The following PRKCQ variants were observed in gnomAD, a reference collection of about 807,000 sequenced individuals.
The protein encoded by PRKCQ is protein kinase C theta type.
Under a neutral mutation model 91.2 loss-of-function variants are expected in PRKCQ, and 41 were observed. That is an observed-to-expected ratio of 0.45 (90% CI 0.35 to 0.58). The LOEUF (loss-of-function observed/expected upper bound fraction) is 0.58, where lower values mean the gene tolerates loss of function less well. PRKCQ is among the 20% of genes least tolerant of loss of function. PRKCQ has a pLI of 0.00. For synonymous variants in PRKCQ, 307 were observed against 316.9 expected, an observed-to-expected ratio of 0.97 and a Z score of 0.33; for missense variants, 673 against 896.5, an observed-to-expected ratio of 0.75 and a Z score of 3.18.
intron 12 of PRKCQ, among the ~76,000 whole-genome samples, chr10:6,464,898 C>T (rs1469575048): frequency 1.3e-5 from 2 of 152,098 alleles, no homozygotes; most frequent in African/African-American, 4.8e-5. Context: ...TTTTGAGCCC[C>T]AGGAAGCCTG....
intron 1 of PRKCQ, among the ~76,000 whole-genome samples, chr10:6,529,283 T>C (rs1442170145): frequency 6.6e-6 from 1 of 152,204 alleles, no homozygotes; most frequent in Non-Finnish European, 1.5e-5. Flanking sequence ...GATGCTGCCT[T>C]CTGTAGGAGT....
At chr10:6,534,221 T>G (rs1047590857) in intron 1 of PRKCQ, among the ~76,000 whole-genome samples, 1 of 152,170 alleles carries the variant, frequency 6.6e-6, no homozygotes, top group Non-Finnish European at 1.5e-5. Flanking sequence ...AAATAAAAGA[T>G]AGGTAAATCA....
intron 4 of PRKCQ, among the ~76,000 whole-genome samples, chr10:6,504,031 G>A (rs530156900): frequency 6.6e-6 from 1 of 152,230 alleles, no homozygotes; most frequent in East Asian, 1.9e-4. Context: ...TCCTGCCTTG[G>A]CCCCCAAAGT....
chr10:6,441,807 T>C (rs951528027), intron 16 of PRKCQ, 86 bp downstream of exon 16: 5 of 1,360,082 alleles, frequency 3.7e-6, no homozygotes, highest in Non-Finnish European at 5.0e-6. Flanking sequence ...GTTTGCCACA[T>C]GCAAGTTGGA....
intron 1 of PRKCQ, among the ~76,000 whole-genome samples, chr10:6,527,430 G>C (rs936280377): frequency 6.6e-6 from 1 of 152,164 alleles, no homozygotes; most frequent in African/African-American, 2.4e-5. Flanking sequence ...GCTAATCATG[G>C]TCATTATGAG....
intron 15 of PRKCQ, among the ~76,000 whole-genome samples, chr10:6,446,104 G>C (rs1046578153): frequency 6.6e-6 from 1 of 152,162 alleles, no homozygotes; most frequent in Non-Finnish European, 1.5e-5. Flanking sequence ...ACTGATATGT[G>C]TTAGGAGTTT....
intron 1 of PRKCQ, among the ~76,000 whole-genome samples, chr10:6,548,375 A>G (rs1356481315): frequency 2.6e-5 from 4 of 151,780 alleles, no homozygotes; most frequent in Non-Finnish European, 5.9e-5. Flanking sequence ...CAGCCATCCC[A>G]TTACTGGGTA....
At chr10:6,564,154 G>A (rs1840743680) in intron 1 of PRKCQ, among the ~76,000 whole-genome samples, 1 of 152,130 alleles carries the variant, frequency 6.6e-6, no homozygotes. Context: ...AAAGATTCGG[G>A]ATTCTATTTT....
intron 10 of PRKCQ, among the ~76,000 whole-genome samples, chr10:6,484,452 T>C (rs1298883351): frequency 1.3e-5 from 2 of 152,182 alleles, no homozygotes; most frequent in African/African-American, 4.8e-5. Context: ...ATGTTGATCA[T>C]TGCTAAGACA....
rs1006203815 is a variant in PRKCQ at position 6,465,054 on chromosome 10, C to T, written c.1354-650G>A. Among the ~76,000 whole-genome samples, 32 of 151,766 alleles carry T rather than the reference C, an allele frequency of 2.1e-4. No individual in the cohort carries two copies. Among genetic ancestry groups the T allele is most frequent in the Admixed American group, 1.3e-4 (2 of 15,240 alleles). ...GGCACTTAGGGCACTTAGCATGTGCCGATTGTATACTTATTGAAAGTGACA... is the reference window on the plus strand; with the variant it reads ...GGCACTTAGGGCACTTAGCATGTGCTGATTGTATACTTATTGAAAGTGACA... On this transcript the variant is annotated intron_variant, in intron 12 of 17. Transcript: ENST00000263125. This position sits in a 1 kb window ranked among gnomAD's most constrained non-coding sequence, Gnocchi z 4.4.
chr10:6,509,038 T>C (rs1221549403), intron 3 of PRKCQ, among the ~76,000 whole-genome samples: 4 of 151,940 alleles, frequency 2.6e-5, no homozygotes, highest in Non-Finnish European at 4.4e-5. Flanking sequence ...TGTTGGCTCT[T>C]AAAATAAAAG....
chr10:6,553,062 G>A (rs1258992897), intron 1 of PRKCQ, among the ~76,000 whole-genome samples: 1 of 152,092 alleles, frequency 6.6e-6, no homozygotes, highest in Admixed American at 6.5e-5. Context: ...CAGTTTCTGC[G>A]TTTAGCCTGT....
intron 1 of PRKCQ, among the ~76,000 whole-genome samples, chr10:6,567,452 A>G (rs1299639915): frequency 6.6e-6 from 1 of 152,248 alleles, no homozygotes; most frequent in Non-Finnish European, 1.5e-5. Context: ...AGTCTTGCAC[A>G]GTAAGACGCG....
intron 16 of PRKCQ, among the ~76,000 whole-genome samples, chr10:6,440,722 C>T (rs1833926424): frequency 6.6e-6 from 1 of 152,306 alleles, no homozygotes; most frequent in Non-Finnish European, 1.5e-5. Flanking sequence ...GGCATGGTGG[C>T]TCACATCTGT....
At chr10:6,533,007 T>A (rs544691852) in intron 1 of PRKCQ, among the ~76,000 whole-genome samples, 21 of 152,318 alleles carry the variant, frequency 1.4e-4, no homozygotes, top group Non-Finnish European at 2.9e-4. Flanking sequence ...TTTGTTTTTT[T>A]AAAAAATAGG....
intron 1 of PRKCQ, among the ~76,000 whole-genome samples, chr10:6,568,790 G>A (rs536289088): frequency 5.9e-4 from 90 of 152,142 alleles, no homozygotes; most frequent in Admixed American, 1.2e-3. Flanking sequence ...GAGCCACCGC[G>A]CCCGGCCAGT....
At chr10:6,549,983 T>A (rs909166777) in intron 1 of PRKCQ, among the ~76,000 whole-genome samples, 2 of 152,156 alleles carry the variant, frequency 1.3e-5, no homozygotes, top group Non-Finnish European at 2.9e-5. Context: ...GTGTTCTGTA[T>A]ATTCACATTG....
At chr10:6,461,100 TATCC>T (rs140150098) in intron 14 of PRKCQ, among the ~76,000 whole-genome samples, 34,129 of 149,894 alleles carry the variant, frequency 0.23, 4,244 homozygotes, top group Middle Eastern at 0.31. Flanking sequence ...ATCCATCATT[TATCC>T]ATCCATCCAT....
chr10:6,568,223 G>GA (rs1259369329), intron 1 of PRKCQ, among the ~76,000 whole-genome samples: 6 of 150,374 alleles, frequency 4.0e-5, no homozygotes, highest in African/African-American at 2.4e-5. Flanking sequence ...CTCCAAAAAA[G>GA]AAAAAAACAA....
Sources: allele counts gnomAD v4.1 joint callset (sites outside exome capture counted in the v4.1 genomes callset), GRCh38; gene constraint gnomAD v4.1.1; non-coding constraint Gnocchi (gnomAD v3.1); transcripts MANE v1.5; gene names NCBI Gene and HGNC (gene_info 2026-07-23, HGNC 2026-07-21).